The following SIGLEC1 variants were observed in gnomAD, a reference collection of about 807,000 sequenced individuals.
The protein encoded by SIGLEC1 is sialoadhesin.
In SIGLEC1, 132 loss-of-function variants were observed where a neutral mutation model predicts 148.0. The observed-to-expected ratio is 0.89, with a 90% CI of 0.77 to 1.03. The LOEUF is 1.03. Ranked by LOEUF, SIGLEC1 falls within the 50% of genes least tolerant of loss-of-function variation. The pLI, the probability that SIGLEC1 is intolerant of heterozygous loss-of-function variation, is 0.00. For synonymous variants in SIGLEC1, 945 were observed against 969.0 expected (o/e 0.98, Z 0.46); for missense variants, 2,253 against 2,271.4 (o/e 0.99, Z 0.16).
Position 3,703,290 on chromosome 20 carries a change from A to G in SIGLEC1, c.1135T>C (p.Leu379=). The G allele has an allele frequency of 6.2e-7, 1 of 1,614,186 alleles. No homozygotes were observed. Among genetic ancestry groups the G allele is most frequent in the Non-Finnish European group, 8.5e-7 (1 of 1,180,012 alleles). The change falls in exon 6 of 22, where the codon TTG becomes CTG. Residue 379 remains leucine (L), a synonymous_variant. Coordinates refer to ENST00000344754, the MANE Select transcript of SIGLEC1 (RefSeq NM_023068.4). ...DAHSHTLRLH[L]ATRADTGFYF... is the part of the protein sequence containing the mutation. ...AAGCCAGTATCAGCCCTAGTGGCCA[A>G]GTGCAGCCGGAGGGTATGGGAGTGG...
In SIGLEC1 at chr20:3,688,280, A is replaced by T. The variant is rs2088718856; in HGVS notation, c.*280T>A. 5.7e-5 allele frequency: 25 copies of T among 439,068 alleles called. No homozygotes were observed. Among genetic ancestry groups the T allele is most frequent in the South Asian group, 3.8e-4 (18 of 47,520 alleles). 27.2% of individuals were successfully genotyped at this position (439,068 alleles called of 1,614,324 possible). A position where few individuals can be genotyped will look rare whatever the true frequency, so the allele number is the denominator to read the frequency against. ...ATGTGAAAGGGCAGGGCTTCCTTTG[A>T]GGGAGAAATGGAGAGAAGGGAGGAG... On this transcript the variant is annotated 3_prime_UTR_variant, in exon 22 of 22. Transcript: ENST00000344754.
Position 3,691,555 on chromosome 20 carries a change from G to C in SIGLEC1, c.4376C>G (p.Ala1459Gly). ...AEPGLDVPEG[A>G]ALNLSCRLLG... ...GAGGCGGCAGCTGAGGTTCAGGGCA[G>C]CGCCCTCAGGCACGTCCAGGCCAGG... Residue 1459 changes from alanine (A) to glycine (G), a missense_variant, in exon 18 of 22, where the codon GCT becomes GGT. Transcript: ENST00000344754. The C allele has an allele frequency of 1.2e-6, 2 of 1,613,062 alleles. No homozygotes were observed. Among genetic ancestry groups the C allele is most frequent in the Non-Finnish European group, 1.7e-6 (2 of 1,179,978 alleles).
At chr20:3,709,665 A>G (rs1250641085) in intron 1 of SIGLEC1, among the ~76,000 whole-genome samples, 1 of 152,248 alleles carries the variant, frequency 6.6e-6, no homozygotes, top group Non-Finnish European at 1.5e-5. Flanking sequence ...GAAACAGGTC[A>G]AGTGTCCATC....
Position 3,692,100 on chromosome 20 carries a change from G to A in SIGLEC1, c.4133C>T (p.Ala1378Val). ...TVDSEPPAEL[A>V]LSHDGKVLAT... ...CAGCACCTTGCCATCATGAGATAGG[G>A]CCAGCTCAGCAGGTGGCTCACTGTC... The change falls in exon 17 of 22, where the codon GCC becomes GTC. Residue 1378 changes from alanine (A) to valine (V), a missense_variant. Transcript: ENST00000344754. 1.9e-6 allele frequency: 3 copies of A among 1,608,280 alleles called. No individual in the cohort carries two copies. Among genetic ancestry groups the A allele is most frequent in the Non-Finnish European group, 2.5e-6 (3 of 1,178,496 alleles).
intron 11 of SIGLEC1, 86 bp downstream of exon 11, chr20:3,696,500 A>G: frequency 7.3e-7 from 1 of 1,362,138 alleles, no homozygotes; most frequent in Non-Finnish European, 9.9e-7. Flanking sequence ...TTTCTGCACA[A>G]AATTCACAGC....
At position 3,688,435 on chromosome 20, in the gene SIGLEC1, CAG is replaced by C; in HGVS notation, c.*123_*124del. 1 of 851,098 alleles carries C rather than the reference CAG, an allele frequency of 1.2e-6. No individual in the cohort carries two copies. Among genetic ancestry groups the C allele is most frequent in the South Asian group, 1.4e-5 (1 of 69,590 alleles). 52.7% of individuals were successfully genotyped at this position (851,098 alleles called of 1,614,324 possible). On this transcript the variant is annotated 3_prime_UTR_variant, in exon 22 of 22. Coordinates refer to ENST00000344754, the MANE Select transcript of SIGLEC1 (RefSeq NM_023068.4). ...GGCTTGGGGCCAGGTCATAAAAAGT[CAG>C]ATGTCACAGAGCTGTTTTCGTAGAG...
At position 3,710,480 on chromosome 20, in the gene SIGLEC1, C is replaced by G. The variant is rs117046072; in HGVS notation, c.-110+1990G>C. Among the ~76,000 whole-genome samples, 67 of 152,340 alleles carry G rather than the reference C, an allele frequency of 4.4e-4. No homozygotes were observed. In the East Asian group the frequency reaches 0.013, roughly 29 times the overall value. ...TCTCTAGGAAGCCCTAGGCCTCCTC[C>G]TCTTCTGGGAAGATGCACCCCCAGC... On this transcript the variant is annotated intron_variant, in intron 1 of 21. Coordinates refer to ENST00000344754, the MANE Select transcript of SIGLEC1 (RefSeq NM_023068.4). The surrounding 1 kb of genome is among the most constrained non-coding windows in gnomAD (Gnocchi z 4.6).
In SIGLEC1 at chr20:3,691,695, G is replaced by C. The variant is rs547034089; in HGVS notation, c.4331-95C>G. The C allele has an allele frequency of 6.0e-6, 9 of 1,495,652 alleles. No homozygotes were observed. The South Asian group carries it at 8.9e-5, about 15-fold the overall frequency. 92.6% of individuals were successfully genotyped at this position (1,495,652 alleles called of 1,614,324 possible). Reference sequence around the variant, plus strand: ...CTCTGAGGGGCCTCTGCACATTGTGGGAAGGTCTCAGTCTGACTTGGTATA... The same window carrying C: ...CTCTGAGGGGCCTCTGCACATTGTGCGAAGGTCTCAGTCTGACTTGGTATA... On this transcript the variant is annotated intron_variant, in intron 17 of 21. Transcript: ENST00000344754.
chr20:3,697,985 A>G lies in SIGLEC1; in HGVS notation c.1935T>C (p.Thr645=). Residue 645 remains threonine, a synonymous_variant, in exon 9 of 22, where the codon ACT becomes ACC. Coordinates refer to ENST00000344754, the MANE Select transcript of SIGLEC1 (RefSeq NM_023068.4). The part of the protein sequence containing the change: ...QLLHKDRVVA[T]SLPSGGGCST... ...TGCAGCCACCCCCTGATGGCAGGGA[A>G]GTGGCCACAACACGGTCCTTGTGGA... is the stretch of plus-strand genomic sequence containing the variant. 6.2e-7 allele frequency: 1 copy of G among 1,607,482 alleles called. No homozygotes were observed. Among genetic ancestry groups the G allele is most frequent in the Non-Finnish European group, 8.5e-7 (1 of 1,176,034 alleles).
At position 3,691,568 on chromosome 20, in the gene SIGLEC1, C is replaced by A; in HGVS notation, c.4363G>T (p.Val1455Leu). The change falls in exon 18 of 22, where the codon GTG becomes TTG. Residue 1455 changes from valine to leucine, a missense_variant. By Grantham distance (32) the Val-to-Leu change is conservative (BLOSUM62 1). Coordinates refer to ENST00000344754, the MANE Select transcript of SIGLEC1 (RefSeq NM_023068.4). The part of the protein sequence containing the change: ...ARVVAEPGLD[V>L]PEGAALNLSC... ...AGGTTCAGGGCAGCGCCCTCAGGCA[C>A]GTCCAGGCCAGGCTCTGCCACCACG... 1.9e-6 allele frequency: 3 copies of A among 1,612,902 alleles called. No individual in the cohort carries two copies. Among genetic ancestry groups the A allele is most frequent in the Non-Finnish European group, 2.5e-6 (3 of 1,179,946 alleles).
At chr20:3,690,332 G>T in intron 18 of SIGLEC1, 68 bp from the exon 19 acceptor site, 1 of 1,310,620 alleles carries the variant, frequency 7.6e-7, no homozygotes, top group Non-Finnish European at 1.0e-6. Context: ...CTGTACCCAT[G>T]CACAGTGACT....
chr20:3,690,534 G>GGCA (rs2088748327), intron 18 of SIGLEC1, among the ~76,000 whole-genome samples: 1 of 152,254 alleles, frequency 6.6e-6, no homozygotes, highest in Non-Finnish European at 1.5e-5. Flanking sequence ...GGGCACATGT[G>GGCA]GCCCAACTGG....
chr20:3,689,540 AG>A, intron 20 of SIGLEC1, 59 bp downstream of exon 20: 1 of 1,191,146 alleles, frequency 8.4e-7, no homozygotes, highest in Non-Finnish European at 1.2e-6. Flanking sequence ...GAATTTGGGG[AG>A]AAGACGAGGT....
At chr20:3,702,742 C>T (rs2087861924) in intron 6 of SIGLEC1, among the ~76,000 whole-genome samples, 1 of 152,096 alleles carries the variant, frequency 6.6e-6, no homozygotes, top group South Asian at 2.1e-4. Flanking sequence ...ACATAAATAA[C>T]ATATGCATAT....
At chr20:3,700,054 C>T (rs538053635) in intron 7 of SIGLEC1, among the ~76,000 whole-genome samples, 5 of 151,280 alleles carry the variant, frequency 3.3e-5, no homozygotes, top group South Asian at 2.1e-4. Context: ...GTGATCCACC[C>T]GCCTCAGCCT....
rs192391500 is a variant in SIGLEC1 at position 3,703,242 on chromosome 20, C to T, written c.1183G>A (p.Val395Ile). The T allele has an allele frequency of 3.0e-4, 489 of 1,614,182 alleles. No homozygotes were observed. The East Asian group carries it at 7.6e-3, about 25-fold the overall frequency. The change falls in exon 6 of 22, where the codon GTC (valine) becomes ATC (isoleucine). Residue 395 changes from valine (V) to isoleucine (I), a missense_variant. Coordinates refer to ENST00000344754, the MANE Select transcript of SIGLEC1 (RefSeq NM_023068.4). ...GGGCCCGAGCGCTCGCTGCCATGGA[C>T]GTTCTGCACCTCACAGAAGTAGAAG... ...TGFYFCEVQN[V>I]HGSERSGPVS...
At chr20:3,694,116 C>G (rs1206435777) in intron 13 of SIGLEC1, 105 bp downstream of exon 13, 12 of 1,265,782 alleles carry the variant, frequency 9.5e-6, no homozygotes, top group Non-Finnish European at 1.3e-5. Context: ...GGAATGGGGA[C>G]TATTCCCGTG....
intron 4 of SIGLEC1, among the ~76,000 whole-genome samples, chr20:3,704,309 A>G (rs746226859): frequency 6.6e-6 from 1 of 152,092 alleles, no homozygotes; most frequent in Non-Finnish European, 1.5e-5. Context: ...TTGAGAGCTG[A>G]TCATGTGACG....
At chr20:3,691,770 T>C in intron 17 of SIGLEC1, 133 bp downstream of exon 17, 1 of 1,334,706 alleles carries the variant, frequency 7.5e-7, no homozygotes, top group Non-Finnish European at 1.0e-6. Flanking sequence ...CTGTGCCCCC[T>C]CCACCAGATT....
Sources: allele counts gnomAD v4.1 joint callset (sites outside exome capture counted in the v4.1 genomes callset), GRCh38; gene constraint gnomAD v4.1.1; non-coding constraint Gnocchi (gnomAD v3.1); transcripts MANE v1.5; gene names NCBI Gene and HGNC (gene_info 2026-07-23, HGNC 2026-07-21).